Variants in ACAP2 observed in about 807,000 individuals in gnomAD.
ACAP2 encodes the protein arf-GAP with coiled-coil, ANK repeat and PH domain-containing protein 2.
A neutral mutation model predicts 115.8 loss-of-function variants in ACAP2; 39 were observed. The observed-to-expected ratio is 0.34, with a 90% CI of 0.26 to 0.44. The LOEUF (loss-of-function observed/expected upper bound fraction) is 0.44. ACAP2 is among the 20% of genes least tolerant of loss of function. The pLI is 1.00. For synonymous variants in ACAP2, 289 were observed against 315.8 expected, an observed-to-expected ratio of 0.92 and a Z score of 0.90; for missense variants, 662 against 927.6, an observed-to-expected ratio of 0.71 and a Z score of 3.72.
chr3:195,405,657 G>A (rs1047496305), intron 1 of ACAP2, among the ~76,000 whole-genome samples: 2 of 151,572 alleles, frequency 1.3e-5, no homozygotes, highest in African/African-American at 4.9e-5. Flanking sequence ...CTGCACTCCA[G>A]CCTAGGCAAC....
chr3:195,353,815 C>A (rs1731773203), intron 4 of ACAP2, among the ~76,000 whole-genome samples: 1 of 151,980 alleles, frequency 6.6e-6, no homozygotes. Context: ...ACATTTTTCT[C>A]TTTTCTGCTT....
At chr3:195,337,485 A>AT (rs1167764177) in intron 6 of ACAP2, among the ~76,000 whole-genome samples, 1 of 105,894 alleles carries the variant, frequency 9.4e-6, no homozygotes, top group Non-Finnish European at 1.9e-5. Context: ...TTTTGCTCTT[A>AT]TTGCGCAGGC....
At chr3:195,315,208 A>G (rs1321473163) in intron 10 of ACAP2, among the ~76,000 whole-genome samples, 2 of 152,184 alleles carry the variant, frequency 1.3e-5, no homozygotes, top group Non-Finnish European at 2.9e-5. Flanking sequence ...TTTTGTAGAG[A>G]TGGGGTTTCA....
At chr3:195,358,708 C>T (rs1732151369) in intron 4 of ACAP2, among the ~76,000 whole-genome samples, 1 of 151,896 alleles carries the variant, frequency 6.6e-6, no homozygotes, top group Admixed American at 6.6e-5. Context: ...TGAAGCATCC[C>T]TGTAAGATCT....
chr3:195,393,883 T>G (rs891769758), intron 1 of ACAP2, among the ~76,000 whole-genome samples: 8 of 84,550 alleles, frequency 9.5e-5, no homozygotes, highest in African/African-American at 3.3e-4. Flanking sequence ...GAGTATTATA[T>G]TGGGGGGGGG....
At chr3:195,407,013 C>T (rs1359133409) in intron 1 of ACAP2, among the ~76,000 whole-genome samples, 1 of 151,728 alleles carries the variant, frequency 6.6e-6, no homozygotes, top group Non-Finnish European at 1.5e-5. Context: ...TCTTTAATGA[C>T]CCACCTTATA....
chr3:195,434,835 T>C (rs905518343), intron 1 of ACAP2, among the ~76,000 whole-genome samples: 7 of 152,240 alleles, frequency 4.6e-5, no homozygotes, highest in African/African-American at 1.7e-4. Context: ...TGTGTCTTTC[T>C]TGAAATATAT....
chr3:195,308,964 A>T (rs1400104631), intron 10 of ACAP2, 127 bp from the exon 11 acceptor site: 1 of 887,254 alleles, frequency 1.1e-6, no homozygotes. Flanking sequence ...AGTCCACTGT[A>T]TTATTTTGCT....
chr3:195,289,246 A>T lies in ACAP2; in HGVS notation c.2064-15T>A. ...AACATACCTGCCTGTTTAAGAACAC[A>T]GCATTTTTGAGATATTGTCGATAAG... is the stretch of plus-strand genomic sequence containing the variant. On this transcript the variant is annotated splice_polypyrimidine_tract_variant and intron_variant, in intron 20 of 22. Coordinates refer to ENST00000326793, the MANE Select transcript of ACAP2 (RefSeq NM_012287.6). 6.4e-7 allele frequency: 1 copy of T among 1,571,422 alleles called. No individual in the cohort carries two copies. Among genetic ancestry groups the T allele is most frequent in the Non-Finnish European group, 8.7e-7 (1 of 1,151,460 alleles).
chr3:195,426,587 T>A (rs1421313332), intron 1 of ACAP2, among the ~76,000 whole-genome samples: 1 of 152,172 alleles, frequency 6.6e-6, no homozygotes, highest in East Asian at 1.9e-4. Context: ...TCACAGAATA[T>A]ACGATGCAGT....
chr3:195,385,313 G>C (rs576157572), intron 2 of ACAP2, among the ~76,000 whole-genome samples: 59 of 148,982 alleles, frequency 4.0e-4, no homozygotes, highest in Admixed American at 8.8e-4. Context: ...ATAGAGATTT[G>C]TGCTTCCTTG....
intron 15 of ACAP2, among the ~76,000 whole-genome samples, chr3:195,299,150 T>A (rs983317715): frequency 3.9e-5 from 6 of 152,176 alleles, no homozygotes; most frequent in Non-Finnish European, 7.3e-5. Flanking sequence ...CATCACTGCA[T>A]CAGACTAGTA....
chr3:195,364,169 A>G (rs12488869), intron 4 of ACAP2, among the ~76,000 whole-genome samples: 3,255 of 152,326 alleles, frequency 0.021, 111 homozygotes, highest in East Asian at 0.1. Flanking sequence ...GACAATCCAC[A>G]GGAGAAAATA....
chr3:195,289,431 A>G (rs759254197), intron 20 of ACAP2, among the ~76,000 whole-genome samples, 200 bp from the exon 21 acceptor site: 13 of 152,172 alleles, frequency 8.5e-5, no homozygotes, highest in Non-Finnish European at 1.8e-4. Context: ...GTATTTTTGC[A>G]TACATTATCT....
chr3:195,415,122 A>G (rs1054384540), intron 1 of ACAP2, among the ~76,000 whole-genome samples: 3 of 152,138 alleles, frequency 2.0e-5, no homozygotes, highest in African/African-American at 7.2e-5. Context: ...TTTGGGTGAT[A>G]ATAATGTATC....
At chr3:195,308,309 G>A (rs1230997877) in intron 11 of ACAP2, among the ~76,000 whole-genome samples, 1 of 146,610 alleles carries the variant, frequency 6.8e-6, no homozygotes, top group Non-Finnish European at 1.5e-5. Context: ...TTCTGTCATG[G>A]ACTAGACAAA....
intron 1 of ACAP2, among the ~76,000 whole-genome samples, chr3:195,394,890 C>G (rs1711605286): frequency 6.6e-6 from 1 of 151,148 alleles, no homozygotes; most frequent in Admixed American, 6.6e-5. Flanking sequence ...TGCGCTCCTG[C>G]CTGGGCCACA....
chr3:195,323,409 A>G (rs1248375426), intron 9 of ACAP2, among the ~76,000 whole-genome samples: 2 of 152,196 alleles, frequency 1.3e-5, no homozygotes, highest in Non-Finnish European at 2.9e-5. Context: ...CAAACAGAAC[A>G]GTGGTAAAAT....
At chr3:195,411,541 T>G (rs138417553) in intron 1 of ACAP2, among the ~76,000 whole-genome samples, 65 of 152,344 alleles carry the variant, frequency 4.3e-4, no homozygotes, top group African/African-American at 1.5e-3. Flanking sequence ...TAAACACAAT[T>G]TTTTAAATTG....
Sources: gnomAD v4.1 joint callset for allele counts (sites outside exome capture counted in the v4.1 genomes callset) on GRCh38, gnomAD v4.1.1 for gene constraint, MANE v1.5 for transcripts, NCBI Gene and HGNC (gene_info 2026-07-23, HGNC 2026-07-21) for gene names.